The following GRM7 variants were observed in gnomAD, a reference collection of about 807,000 sequenced individuals.
The protein encoded by GRM7 is metabotropic glutamate receptor 7.
In GRM7, 35 loss-of-function variants were observed where a neutral mutation model predicts 84.5. The ratio of observed to expected loss-of-function variants is 0.41; its 90% CI spans 0.32 to 0.55. GRM7 has a LOEUF of 0.55. Among genes scored for constraint, GRM7 ranks in the 20% least tolerant of loss-of-function variants. The pLI is 0.19. For missense variants in GRM7, 1,003 were observed against 1,194.6 expected, an observed-to-expected ratio of 0.84 and a Z score of 2.36; for synonymous variants, 487 against 455.1, an observed-to-expected ratio of 1.07 and a Z score of -0.89.
rs140859890 is a variant in GRM7, at chr3:6,971,959, A to G, written c.519+110052A>G. On this transcript the variant is annotated intron_variant, in intron 1 of 9. Transcript: ENST00000357716. ...TTTTAAAGAAATGATTAATAATAGC[A>G]TTTTAGAAATAATAATAGCAAATAA... Among the ~76,000 whole-genome samples, 1,052 of 152,302 alleles carry G rather than the reference A, an allele frequency of 6.9e-3. 16 individuals are homozygous for G. The highest frequency in any genetic ancestry group is 0.023 in the African/African-American group (953 of 41,574).
chr3:7,402,655 T>C (rs1228588163), intron 4 of GRM7, among the ~76,000 whole-genome samples: 1 of 152,194 alleles, frequency 6.6e-6, no homozygotes, highest in African/African-American at 2.4e-5. Context: ...TGACCTTTGA[T>C]GTGAAATTGA....
intron 8 of GRM7, among the ~76,000 whole-genome samples, chr3:7,642,603 T>C (rs17047771): frequency 0.049 from 7,480 of 152,194 alleles, 525 homozygotes; most frequent in African/African-American, 0.16. Context: ...ATTAACCACG[T>C]GAGTTCCATG....
chr3:7,381,283 T>G (rs558927992), intron 4 of GRM7, among the ~76,000 whole-genome samples: 1 of 152,184 alleles, frequency 6.6e-6, no homozygotes, highest in Non-Finnish European at 1.5e-5. Context: ...AATCCAGGCT[T>G]TTCTACTCAA....
At chr3:6,963,510 A>C (rs2125085031) in intron 1 of GRM7, among the ~76,000 whole-genome samples, 1 of 152,308 alleles carries the variant, frequency 6.6e-6, no homozygotes, top group Admixed American at 6.5e-5. Context: ...CTGTAGTCCC[A>C]GCAACTTTGG....
At chr3:7,231,060 G>A (rs1273175707) in intron 2 of GRM7, among the ~76,000 whole-genome samples, 4 of 152,290 alleles carry the variant, frequency 2.6e-5, no homozygotes, top group Admixed American at 2.6e-4. Context: ...TTGTGTTATG[G>A]GGAAGGAATT....
intron 9 of GRM7, among the ~76,000 whole-genome samples, chr3:7,683,416 C>A (rs1464026542): frequency 6.6e-6 from 1 of 152,118 alleles, no homozygotes; most frequent in Non-Finnish European, 1.5e-5. Flanking sequence ...TTCTCACCAC[C>A]AGCTGGAAAG....
chr3:7,294,303 T>C (rs1456094841), intron 2 of GRM7, among the ~76,000 whole-genome samples: 1 of 152,134 alleles, frequency 6.6e-6, no homozygotes, highest in African/African-American at 2.4e-5. Flanking sequence ...CATCCAAAAT[T>C]ATACCCCTTC....
chr3:7,230,399 T>A (rs11705860), intron 2 of GRM7, among the ~76,000 whole-genome samples: 61,095 of 151,948 alleles, frequency 0.4, 13,410 homozygotes, highest in East Asian at 0.55. Flanking sequence ...TGTCAAGGTG[T>A]CATCTGTCAA....
At chr3:7,125,032 T>C (rs1693351192) in intron 1 of GRM7, among the ~76,000 whole-genome samples, 1 of 152,146 alleles carries the variant, frequency 6.6e-6, no homozygotes. Context: ...CTCCGCCACC[T>C]GGGTTCAAGT....
At chr3:7,324,586 C>T (rs1358952563) in intron 4 of GRM7, among the ~76,000 whole-genome samples, 1 of 152,164 alleles carries the variant, frequency 6.6e-6, no homozygotes, top group African/African-American at 2.4e-5. Context: ...CCTAGTTCGT[C>T]TCTGTGTTTT....
At chr3:7,734,956 A>G (rs1448281336) in intron 9 of GRM7, among the ~76,000 whole-genome samples, 1 of 152,206 alleles carries the variant, frequency 6.6e-6, no homozygotes, top group Non-Finnish European at 1.5e-5. Flanking sequence ...TGAAGAGAAC[A>G]TCTACTCTTT....
At chr3:7,076,374 C>T (rs1698077907) in intron 1 of GRM7, among the ~76,000 whole-genome samples, 1 of 152,090 alleles carries the variant, frequency 6.6e-6, no homozygotes, top group Admixed American at 6.6e-5. Flanking sequence ...GTGATTGGAT[C>T]ATGAGGACAG....
At chr3:7,043,418 C>T (rs57889030) in intron 1 of GRM7, among the ~76,000 whole-genome samples, 8,230 of 152,222 alleles carry the variant, frequency 0.054, 467 homozygotes, top group African/African-American at 0.14. Context: ...CTTAGACACC[C>T]TTTCCATGTA....
rs1269639711 is a variant in GRM7 at position 6,928,140 on chromosome 3, C to T, written c.519+66233C>T. Among the ~76,000 whole-genome samples the T allele has an allele frequency of 6.6e-6, 1 of 151,668 alleles. No individual in the cohort carries two copies. The highest frequency in any genetic ancestry group is 1.5e-5 in the Non-Finnish European group (1 of 67,950). On this transcript the variant is annotated intron_variant, in intron 1 of 9. Coordinates refer to ENST00000357716, the MANE Select transcript of GRM7 (RefSeq NM_000844.4). This position sits in a 1 kb window ranked among gnomAD's most constrained non-coding sequence, Gnocchi z 4.5. ...GCTGAGGTAGGTATTTTAACACATC[C>T]CTCATTGATCCTGTTGCCTCTTCCA...
At chr3:7,572,433 G>A (rs1220412733) in intron 7 of GRM7, among the ~76,000 whole-genome samples, 3 of 152,104 alleles carry the variant, frequency 2.0e-5, no homozygotes, top group Non-Finnish European at 4.4e-5. Context: ...CCTTAGGGAA[G>A]TCTCATCCAT....
Position 7,499,782 on chromosome 3 carries a change from T to C in GRM7, c.1515+38060T>C, listed in dbSNP as rs562843666. Among the ~76,000 whole-genome samples, 121 of 151,766 alleles carry C rather than the reference T, an allele frequency of 8.0e-4. 1 individual carries two copies. In the South Asian group the frequency reaches 0.025, roughly 31 times the overall value. ...AGAGTTGGCCTAGACACCATTCTTTTTTTTTTTTTTGAGATGGAGTCTTGC... is the reference window on the plus strand; with the variant it reads ...AGAGTTGGCCTAGACACCATTCTTTCTTTTTTTTTTGAGATGGAGTCTTGC... On this transcript the variant is annotated intron_variant, in intron 7 of 9. Coordinates refer to ENST00000357716, the MANE Select transcript of GRM7 (RefSeq NM_000844.4).
At chr3:7,735,508 C>G (rs1008070925) in intron 9 of GRM7, among the ~76,000 whole-genome samples, 1 of 138,300 alleles carries the variant, frequency 7.2e-6, no homozygotes, top group Non-Finnish European at 1.5e-5. Context: ...GCTCTTAAAA[C>G]TTTTATTGAA....
intron 7 of GRM7, among the ~76,000 whole-genome samples, chr3:7,472,489 C>T (rs1012389878): frequency 6.6e-6 from 1 of 152,206 alleles, no homozygotes; most frequent in Non-Finnish European, 1.5e-5. Flanking sequence ...GAATCCCCCA[C>T]TGAGTAGCAG....
intron 2 of GRM7, among the ~76,000 whole-genome samples, chr3:7,256,839 C>T (rs1386382630): frequency 1.3e-5 from 2 of 152,086 alleles, no homozygotes; most frequent in African/African-American, 4.8e-5. Flanking sequence ...AATCAATTTT[C>T]CAATAGAGAC....
Sources: allele counts gnomAD v4.1 joint callset (sites outside exome capture counted in the v4.1 genomes callset), GRCh38; gene constraint gnomAD v4.1.1; non-coding constraint Gnocchi (gnomAD v3.1); transcripts MANE v1.5; gene names NCBI Gene and HGNC (gene_info 2026-07-23, HGNC 2026-07-21).